Variants in INSL6 observed in about 807,000 individuals in gnomAD.
INSL6 encodes insulin like 6, also known as insulin-like peptide INSL6.
INSL6 carries 16 observed loss-of-function variants against 9.4 expected under a neutral mutation model. The observed-to-expected ratio is 1.70, with a 90% confidence interval of 1.15 to 2.59. INSL6 has a LOEUF of 2.59. Ranked by LOEUF, INSL6 falls within the 30% of genes most tolerant of loss-of-function variation. The pLI, the probability that INSL6 is intolerant of heterozygous loss-of-function variation, is 0.00. For missense variants in INSL6, 391 were observed against 257.3 expected, an observed-to-expected ratio of 1.52 and a Z score of -3.56; for synonymous variants, 154 against 96.9, an observed-to-expected ratio of 1.59 and a Z score of -3.46.
At chr9:4,999,874 G>A in the INSL6 span, among the ~76,000 whole-genome samples, 1 of 152,260 alleles carries the variant, frequency 6.6e-6, no homozygotes, top group East Asian at 1.9e-4. Context: ...AGATATGCAT[G>A]CTACTACTCC....
At chr9:5,178,520 C>G (rs1825371171) in intron 1 of INSL6, among the ~76,000 whole-genome samples, 1 of 152,170 alleles carries the variant, frequency 6.6e-6, no homozygotes, top group Non-Finnish European at 1.5e-5. Context: ...AGACAGAGCT[C>G]TGATCTCACT....
At chr9:5,144,205 T>C (rs1313294326) in intron 2 of INSL6, among the ~76,000 whole-genome samples, 1 of 152,244 alleles carries the variant, frequency 6.6e-6, no homozygotes, top group Non-Finnish European at 1.5e-5. Context: ...TGTTGTTATC[T>C]TTCTTCTCAT....
chr9:5,173,594 C>G (rs892995254), intron 1 of INSL6, among the ~76,000 whole-genome samples: 3 of 151,120 alleles, frequency 2.0e-5, no homozygotes, highest in Non-Finnish European at 3.0e-5. Context: ...AAAAAACACA[C>G]AATGGGGCCT....
chr9:5,065,052 A>G, the INSL6 span: 3 of 1,509,264 alleles, frequency 2.0e-6, no homozygotes, highest in Non-Finnish European at 2.7e-6. Context: ...TGAGTAATAC[A>G]GACTTAAAAG....
At chr9:5,111,107 G>T in the INSL6 span, 7 of 1,219,518 alleles carry the variant, frequency 5.7e-6, no homozygotes, top group African/African-American at 1.1e-4. Flanking sequence ...GACCAGAACA[G>T]CTCCTCCTTT....
intron 3 of INSL6, among the ~76,000 whole-genome samples, chr9:5,125,611 T>C (rs75631285): frequency 0.11 from 16,086 of 149,792 alleles, 2,673 homozygotes; most frequent in African/African-American, 0.36. Context: ...AAATTATATC[T>C]CAACAGCAAT....
At chr9:5,182,113 G>C (rs1299715199) in intron 1 of INSL6, among the ~76,000 whole-genome samples, 1 of 152,120 alleles carries the variant, frequency 6.6e-6, no homozygotes, top group Non-Finnish European at 1.5e-5. Flanking sequence ...CACATACAAT[G>C]ATGTTCATGG....
At chr9:5,159,367 T>G (rs1275013587), downstream of INSL6, among the ~76,000 whole-genome samples, 1 of 151,774 alleles carries the variant, frequency 6.6e-6, no homozygotes, top group Non-Finnish European at 1.5e-5. Flanking sequence ...GGATTTTTTT[T>G]TTTTAAAAAA....
the INSL6 span, chr9:5,107,930 T>G: frequency 6.6e-6 from 1 of 152,174 alleles, no homozygotes; most frequent in Non-Finnish European, 1.5e-5. Flanking sequence ...ACTTCAGTGC[T>G]AAAAATTATT....
chr9:5,102,692 C>A, the INSL6 span, among the ~76,000 whole-genome samples: 1 of 152,206 alleles, frequency 6.6e-6, no homozygotes, highest in Admixed American at 6.5e-5. Flanking sequence ...AACAGCGGAT[C>A]TCTCAGCAGA....
intron 1 of INSL6, among the ~76,000 whole-genome samples, chr9:5,165,071 C>A (rs1463642111): frequency 1.3e-5 from 2 of 152,138 alleles, no homozygotes; most frequent in African/African-American, 2.4e-5. Context: ...ATTAGCCAGG[C>A]ATGGTGGTGC....
chr9:5,137,275 T>C (rs185679030), intron 2 of INSL6, among the ~76,000 whole-genome samples: 3 of 151,964 alleles, frequency 2.0e-5, no homozygotes, highest in African/African-American at 7.2e-5. Context: ...CTACTTTAAA[T>C]TTCATATGGA....
intron 2 of INSL6, among the ~76,000 whole-genome samples, chr9:5,135,434 G>A (rs1429650756): frequency 6.6e-6 from 1 of 152,104 alleles, no homozygotes; most frequent in African/African-American, 2.4e-5. Context: ...TCATATCAGA[G>A]TGCAATCAAA....
chr9:5,112,735 C>A, the INSL6 span: 1 of 725,538 alleles, frequency 1.4e-6, no homozygotes, highest in East Asian at 3.1e-5. Flanking sequence ...CCAAAACAGC[C>A]TGTTTGAAAC....
At chr9:5,048,023 A>T in the INSL6 span, among the ~76,000 whole-genome samples, 2 of 152,122 alleles carry the variant, frequency 1.3e-5, no homozygotes, top group African/African-American at 4.8e-5. Context: ...TTCTCTAGTG[A>T]ATAGTTTATT....
At chr9:5,133,211 T>C (rs770556085) in intron 3 of INSL6, among the ~76,000 whole-genome samples, 5 of 150,630 alleles carry the variant, frequency 3.3e-5, no homozygotes, top group Non-Finnish European at 7.4e-5. Context: ...ATGTTCCTGG[T>C]GGGAAAGTTG....
the INSL6 span, chr9:5,114,725 C>T: frequency 1.3e-5 from 5 of 377,168 alleles, no homozygotes; most frequent in East Asian, 1.4e-4. Context: ...AACAGAAAAA[C>T]GAGTTCATCT....
the INSL6 span, among the ~76,000 whole-genome samples, chr9:5,060,097 TCTA>T: frequency 4.4e-4 from 67 of 152,324 alleles, no homozygotes; most frequent in African/African-American, 1.6e-3. Context: ...TATAATCAAG[TCTA>T]CTAAGTGTGC....
chr9:5,166,080 A>C (rs960024592), intron 1 of INSL6, among the ~76,000 whole-genome samples: 1 of 152,250 alleles, frequency 6.6e-6, no homozygotes, highest in African/African-American at 2.4e-5. Context: ...AGTAACGAGA[A>C]AAAGATGAGT....
Sources: gnomAD v4.1 joint callset for allele counts (sites outside exome capture counted in the v4.1 genomes callset) on GRCh38, gnomAD v4.1.1 for gene constraint, MANE v1.5 for transcripts, NCBI Gene and HGNC (gene_info 2026-07-23, HGNC 2026-07-21) for gene names.